Variants in TAB2 observed in about 807,000 individuals in gnomAD.
The protein encoded by TAB2 is TGF-beta-activated kinase 1 and MAP3K7-binding protein 2.
Under a neutral mutation model 65.0 loss-of-function variants are expected in TAB2, and 3 were observed. That is an observed-to-expected ratio of 0.05 (90% CI 0.02 to 0.12). The LOEUF (loss-of-function observed/expected upper bound fraction) is 0.12. TAB2 is among the 10% of genes least tolerant of loss of function. TAB2 has a pLI of 1.00. For synonymous variants in TAB2, 298 were observed against 285.1 expected (o/e 1.05, Z -0.46); for missense variants, 623 against 840.3 (o/e 0.74, Z 3.20).
In TAB2 at chr6:149,287,492, T is replaced by TAAAAAA. The variant is rs765114694; in HGVS notation, c.-121+68716_-121+68717insAAAAAA. Among the ~76,000 whole-genome samples the TAAAAAA allele has an allele frequency of 3.1e-3, 308 of 98,004 alleles. 1 individual carries two copies. The highest frequency in any genetic ancestry group is 0.024 in the Middle Eastern group (4 of 166). The allele number at this position is 98,004 out of a possible 152,430, so 64.3% of individuals were successfully genotyped here. A position where few individuals can be genotyped will look rare whatever the true frequency, so the allele number is the denominator to read the frequency against. ...CAAACTTTGTTTTCTGTTTTTTTTT[T>TAAAAAA]TAAAAAGAAAGTATTAGAAAATTGT... On this transcript the variant is annotated intron_variant, in intron 1 of 1. Transcript: ENST00000606202.
At chr6:149,360,440 GT>G (rs1235810805) in intron 1 of TAB2, among the ~76,000 whole-genome samples, 1 of 152,168 alleles carries the variant, frequency 6.6e-6, no homozygotes, top group Admixed American at 6.5e-5. Flanking sequence ...GGAGGAGGAA[GT>G]TTTAAACAGC....
intron 1 of TAB2, among the ~76,000 whole-genome samples, chr6:149,281,838 T>C (rs999415362): frequency 6.6e-6 from 1 of 151,922 alleles, no homozygotes; most frequent in African/African-American, 2.4e-5. Flanking sequence ...CCCAACAATA[T>C]GTTTCCTACA....
At chr6:149,251,153 A>G (rs747333925) in intron 1 of TAB2, among the ~76,000 whole-genome samples, 8 of 152,242 alleles carry the variant, frequency 5.3e-5, no homozygotes, top group African/African-American at 1.7e-4. Flanking sequence ...ATGCAGTACC[A>G]TAATCAACCG....
At chr6:149,257,214 A>G (rs1025012155) in intron 1 of TAB2, among the ~76,000 whole-genome samples, 2 of 152,218 alleles carry the variant, frequency 1.3e-5, no homozygotes, top group African/African-American at 4.8e-5. Context: ...CACGGAAAGT[A>G]AAAAGTTCAA....
At chr6:149,272,591 T>C (rs1203649830) in intron 1 of TAB2, among the ~76,000 whole-genome samples, 1 of 152,178 alleles carries the variant, frequency 6.6e-6, no homozygotes, top group African/African-American at 2.4e-5. Context: ...CTTACAAGGA[T>C]CCTTGTGATT....
chr6:149,323,586 T>A (rs1779517381), intron 1 of TAB2, among the ~76,000 whole-genome samples: 1 of 152,116 alleles, frequency 6.6e-6, no homozygotes, highest in African/African-American at 2.4e-5. Context: ...CCACCTCCCA[T>A]CTTCACAGTA....
chr6:149,354,460 A>C (rs1396212192), intron 1 of TAB2, among the ~76,000 whole-genome samples: 2 of 152,208 alleles, frequency 1.3e-5, no homozygotes, highest in African/African-American at 2.4e-5. Context: ...TTGTAAGATG[A>C]AATATAAAAC....
chr6:149,344,956 C>T (rs986940258), intron 1 of TAB2, among the ~76,000 whole-genome samples: 2 of 152,144 alleles, frequency 1.3e-5, no homozygotes, highest in African/African-American at 4.8e-5. Context: ...GAGAAAACAG[C>T]GTGTCTTGTC....
At chr6:149,304,086 G>A (rs1438505081) in intron 1 of TAB2, 2 of 152,140 alleles carry the variant, frequency 1.3e-5, no homozygotes, top group Non-Finnish European at 2.9e-5. Flanking sequence ...GAGTCCTTAG[G>A]AGTTTGAGAC....
intron 1 of TAB2, among the ~76,000 whole-genome samples, chr6:149,290,312 G>A (rs1778753153): frequency 6.6e-6 from 1 of 152,120 alleles, no homozygotes; most frequent in South Asian, 2.1e-4. Flanking sequence ...GCTCTTGCAG[G>A]TCTTTGCTCA....
At chr6:149,274,693 G>A (rs1778421841) in intron 1 of TAB2, among the ~76,000 whole-genome samples, 1 of 152,182 alleles carries the variant, frequency 6.6e-6, no homozygotes, top group Admixed American at 6.5e-5. Context: ...TTGAAAAAAG[G>A]AAGATCAGAG....
intron 6 of TAB2, among the ~76,000 whole-genome samples, chr6:149,401,953 A>G (rs989654777): frequency 6.6e-6 from 1 of 151,986 alleles, no homozygotes; most frequent in African/African-American, 2.4e-5. Flanking sequence ...GATGAAGCAA[A>G]GGCAGTACTA....
intron 1 of TAB2, among the ~76,000 whole-genome samples, chr6:149,356,566 A>G (rs1004175464): frequency 3.3e-5 from 5 of 152,182 alleles, no homozygotes; most frequent in African/African-American, 1.2e-4. Flanking sequence ...ATGTCCTCGC[A>G]TGGTGGAAGG....
intron 6 of TAB2, among the ~76,000 whole-genome samples, chr6:149,403,247 A>AATATAGAT (rs1782510165): frequency 2.3e-5 from 1 of 44,034 alleles, no homozygotes; most frequent in Non-Finnish European, 3.6e-5. Context: ...AAAAAAAAAA[A>AATATAGAT]ATATATATAT....
intron 3 of TAB2, among the ~76,000 whole-genome samples, chr6:149,380,302 C>G (rs560181191): frequency 6.6e-6 from 1 of 152,144 alleles, no homozygotes; most frequent in Admixed American, 6.5e-5. Context: ...TATATTAAGT[C>G]TATTACTGCG....
At position 149,272,521 on chromosome 6, in the gene TAB2, C is replaced by T. The variant is rs529681569; in HGVS notation, c.-121+53745C>T. ...ATCTTCAAAGGCAGCAATTACATCG[C>T]TCCAACCTCTGCTCCTGTTGTCACG... On this transcript the variant is annotated intron_variant, in intron 1 of 1. Transcript: ENST00000606202. Among the ~76,000 whole-genome samples the T allele has an allele frequency of 7.7e-4, 117 of 152,292 alleles. 2 individuals carry two copies. The highest frequency in any genetic ancestry group is 2.6e-3 in the African/African-American group (108 of 41,548).
chr6:149,289,292 C>T (rs1316822073), intron 1 of TAB2, among the ~76,000 whole-genome samples: 1 of 151,760 alleles, frequency 6.6e-6, no homozygotes, highest in Non-Finnish European at 1.5e-5. Context: ...TTTTGGGAGG[C>T]AAGGGCAGGA....
chr6:149,221,748 G>A (rs1390129035), intron 1 of TAB2, among the ~76,000 whole-genome samples: 1 of 152,192 alleles, frequency 6.6e-6, no homozygotes, highest in Non-Finnish European at 1.5e-5. Flanking sequence ...AATATGCTCT[G>A]CTAGATAATC....
At chr6:149,248,674 C>A (rs868275828) in intron 1 of TAB2, among the ~76,000 whole-genome samples, 19 of 152,090 alleles carry the variant, frequency 1.2e-4, no homozygotes, top group African/African-American at 4.3e-4. Context: ...TCTTCCTGTG[C>A]CCTCTGGAAA....
Sources: allele counts gnomAD v4.1 joint callset (sites outside exome capture counted in the v4.1 genomes callset), GRCh38; gene constraint gnomAD v4.1.1; transcripts MANE v1.5; gene names NCBI Gene and HGNC (gene_info 2026-07-23, HGNC 2026-07-21).